RDX: variants seen among roughly 807,000 people sequenced by gnomAD.
RDX encodes deafness, autosomal recessive 24.
A neutral mutation model predicts 83.7 loss-of-function variants in RDX; 32 were observed. That is an observed-to-expected ratio of 0.38 (90% CI 0.29 to 0.51). The LOEUF is 0.51. RDX is among the 20% of genes least tolerant of loss of function. RDX has a pLI of 0.87. For synonymous variants in RDX, 229 were observed against 222.7 expected (o/e 1.03, Z -0.25); for missense variants, 600 against 689.9 (o/e 0.87, Z 1.46).
intron 14 of RDX, among the ~76,000 whole-genome samples, chr11:110,201,593 T>C (rs551058125): frequency 6.6e-5 from 10 of 152,252 alleles, no homozygotes; most frequent in Non-Finnish European, 1.0e-4. Context: ...GTGAGATACA[T>C]AAAAATCACA....
chr11:110,222,805 A>G (rs772560524), intron 14 of RDX, among the ~76,000 whole-genome samples: 10 of 152,016 alleles, frequency 6.6e-5, no homozygotes, highest in Non-Finnish European at 1.2e-4. Flanking sequence ...CAACTCAAAT[A>G]AATGAATGAA....
chr11:110,263,883 ACCTG>A, intron 5 of RDX, 73 bp downstream of exon 5: 3 of 1,399,540 alleles, frequency 2.1e-6, no homozygotes, highest in Non-Finnish European at 2.0e-6. Context: ...AAAAAAAAAA[ACCTG>A]AAAAACGTTT....
chr11:110,284,633 G>C (rs1024571675), intron 1 of RDX, among the ~76,000 whole-genome samples: 2 of 151,446 alleles, frequency 1.3e-5, no homozygotes, highest in African/African-American at 4.9e-5. Flanking sequence ...CCATTCTCCT[G>C]CCTCAGCCTC....
At chr11:110,272,755 A>T in intron 2 of RDX, 136 bp from the exon 3 acceptor site, 1 of 681,654 alleles carries the variant, frequency 1.5e-6, no homozygotes, top group Non-Finnish European at 2.5e-6. Context: ...AAAAACAAAG[A>T]GCTTATAAAG....
chr11:110,209,228 G>A (rs1440335087), intron 14 of RDX, among the ~76,000 whole-genome samples: 3 of 152,176 alleles, frequency 2.0e-5, no homozygotes, highest in Non-Finnish European at 4.4e-5. Context: ...AGGGGTGACG[G>A]ACGGCACCTG....
At chr11:110,221,795 T>C (rs1453532044) in intron 14 of RDX, among the ~76,000 whole-genome samples, 2 of 152,190 alleles carry the variant, frequency 1.3e-5, no homozygotes, top group Admixed American at 6.5e-5. Flanking sequence ...CTCATTTCTG[T>C]ATCTCCTGCA....
intron 15 of RDX, among the ~76,000 whole-genome samples, chr11:110,188,269 G>T (rs540934817): frequency 1.3e-5 from 2 of 150,744 alleles, no homozygotes; most frequent in Non-Finnish European, 2.9e-5. Flanking sequence ...ACTCCAGCCT[G>T]GGCAACAAGA....
chr11:110,265,075 C>CTT (rs59010580), intron 3 of RDX, among the ~76,000 whole-genome samples: 5 of 110,536 alleles, frequency 4.5e-5, no homozygotes, highest in Non-Finnish European at 1.0e-4. Context: ...CTCAATTTTT[C>CTT]TTTTTTTTTT....
chr11:110,276,551 G>A (rs1044633237), intron 2 of RDX, among the ~76,000 whole-genome samples: 9 of 152,104 alleles, frequency 5.9e-5, no homozygotes, highest in Non-Finnish European at 8.8e-5. Flanking sequence ...GGAACAACAC[G>A]AAATTATTTG....
intron 14 of RDX, among the ~76,000 whole-genome samples, chr11:110,218,036 C>T (rs1864117867): frequency 6.6e-6 from 1 of 152,160 alleles, no homozygotes; most frequent in Non-Finnish European, 1.5e-5. Context: ...TCAAGTGCTT[C>T]GTGGAGCCTA....
intron 9 of RDX, 47 bp from the exon 10 acceptor site, chr11:110,247,880 T>A (rs1349355965): frequency 1.3e-6 from 2 of 1,528,166 alleles, no homozygotes; most frequent in Admixed American, 3.9e-5. Context: ...CACAAAAATA[T>A]TATTCATGTG....
At chr11:110,219,301 A>C (rs77390157) in intron 14 of RDX, among the ~76,000 whole-genome samples, 1,970 of 152,308 alleles carry the variant, frequency 0.013, 39 homozygotes, top group African/African-American at 0.044. Flanking sequence ...AGAGAAGAGG[A>C]AATCAGCAGA....
At chr11:110,286,774 A>C (rs1235687268) in intron 1 of RDX, among the ~76,000 whole-genome samples, 1 of 152,242 alleles carries the variant, frequency 6.6e-6, no homozygotes, top group African/African-American at 2.4e-5. Flanking sequence ...AGAACAGTAT[A>C]AACTGAATAA....
At chr11:110,257,669 A>G in intron 7 of RDX, 98 bp downstream of exon 7, 1 of 1,215,162 alleles carries the variant, frequency 8.2e-7, no homozygotes. Context: ...TAGTAAGGGT[A>G]ATCAAGACAA....
At chr11:110,245,194 T>C (rs958556055) in intron 10 of RDX, among the ~76,000 whole-genome samples, 2 of 152,122 alleles carry the variant, frequency 1.3e-5, no homozygotes, top group African/African-American at 2.4e-5. Flanking sequence ...TCAAGTGATC[T>C]GCCCGCCTCA....
At chr11:110,289,957 A>C (rs1470675856) in intron 1 of RDX, among the ~76,000 whole-genome samples, 1 of 55,962 alleles carries the variant, frequency 1.8e-5, no homozygotes, top group African/African-American at 8.5e-5. Flanking sequence ...AGACTGTCTC[A>C]AAAAAAAAAA....
intron 2 of RDX, among the ~76,000 whole-genome samples, chr11:110,278,122 G>T (rs903126905): frequency 3.3e-5 from 5 of 152,038 alleles, no homozygotes; most frequent in African/African-American, 9.7e-5. Flanking sequence ...ATGTGTGTTG[G>T]TGTATTTTCA....
At chr11:110,251,645 C>CTA (rs1859346561) in intron 9 of RDX, among the ~76,000 whole-genome samples, 1 of 152,098 alleles carries the variant, frequency 6.6e-6, no homozygotes. Context: ...GTATGTAACT[C>CTA]TAAACTGTAA....
chr11:110,190,342 A>G (rs1565282948), intron 15 of RDX, among the ~76,000 whole-genome samples: 1 of 152,166 alleles, frequency 6.6e-6, no homozygotes, highest in East Asian at 1.9e-4. Flanking sequence ...CGGGAGGCTG[A>G]GGCAGAATTG....
Sources: gnomAD v4.1 joint callset for allele counts (sites outside exome capture counted in the v4.1 genomes callset) on GRCh38, gnomAD v4.1.1 for gene constraint, MANE v1.5 for transcripts, NCBI Gene and HGNC (gene_info 2026-07-23, HGNC 2026-07-21) for gene names.